FMN1: variants seen among roughly 807,000 people sequenced by gnomAD.
FMN1 encodes the protein formin 1.
In FMN1, 110 loss-of-function variants were observed where a neutral mutation model predicts 132.4. That is an observed-to-expected ratio of 0.83 (90% CI 0.71 to 0.97). The LOEUF (loss-of-function observed/expected upper bound fraction) is 0.97, where lower values mean the gene tolerates loss of function less well. FMN1 is among the 50% of genes least tolerant of loss of function. The pLI is 0.00. For synonymous variants in FMN1, 722 were observed against 651.7 expected, an observed-to-expected ratio of 1.11 and a Z score of -1.64; for missense variants, 1,792 against 1,705.3, an observed-to-expected ratio of 1.05 and a Z score of -0.90.
At chr15:32,960,223 C>T (rs1333567011) in intron 9 of FMN1, among the ~76,000 whole-genome samples, 2 of 152,166 alleles carry the variant, frequency 1.3e-5, no homozygotes, top group African/African-American at 4.8e-5. Context: ...ATACTACCAA[C>T]ATGGCAGCAG....
At chr15:33,060,886 C>T (rs1416294641) in intron 6 of FMN1, among the ~76,000 whole-genome samples, 1 of 152,206 alleles carries the variant, frequency 6.6e-6, no homozygotes, top group Non-Finnish European at 1.5e-5. Flanking sequence ...AAAACATTAA[C>T]CTCACTTCCC....
At chr15:33,049,050 A>G (rs1197363872) in intron 6 of FMN1, among the ~76,000 whole-genome samples, 3 of 152,262 alleles carry the variant, frequency 2.0e-5, no homozygotes, top group South Asian at 2.1e-4. Flanking sequence ...AGATAAAGCT[A>G]AAGGTTTCAA....
Position 32,910,540 on chromosome 15 carries a change from C to G in FMN1, c.3227-5G>C, listed in dbSNP as rs1336607985. 5 of 1,563,536 alleles carry G rather than the reference C, an allele frequency of 3.2e-6. No homozygotes were observed. The Admixed American group carries it at 9.5e-5, about 30-fold the overall frequency. On this transcript the variant is annotated splice_polypyrimidine_tract_variant and splice_region_variant and intron_variant, in intron 10 of 20. Coordinates refer to ENST00000616417, the MANE Select transcript of FMN1 (RefSeq NM_001277313.2). ...AGTCATCCACATTGAAAATGGCTGC[C>G]AAGCACCCAAAAAGAAAAGAGGATA...
intron 7 of FMN1, among the ~76,000 whole-genome samples, chr15:32,998,105 T>C (rs1296242514): frequency 6.6e-6 from 1 of 152,224 alleles, no homozygotes; most frequent in Non-Finnish European, 1.5e-5. Context: ...AACTAGAGCA[T>C]CCATGCTTTA....
chr15:32,897,780 A>G (rs1423692274), intron 15 of FMN1, among the ~76,000 whole-genome samples: 3 of 151,072 alleles, frequency 2.0e-5, no homozygotes, highest in Non-Finnish European at 4.4e-5. Context: ...AGCAAGTGAA[A>G]TTCTCCAAGT....
intron 16 of FMN1, among the ~76,000 whole-genome samples, chr15:32,872,574 A>C (rs79854309): frequency 0.037 from 5,694 of 152,302 alleles, 301 homozygotes; most frequent in African/African-American, 0.12. Context: ...TCACACATAC[A>C]CGTCTTGAAG....
intron 6 of FMN1, among the ~76,000 whole-genome samples, chr15:33,052,277 A>G (rs1196232106): frequency 2.6e-5 from 4 of 152,314 alleles, no homozygotes; most frequent in African/African-American, 9.6e-5. Context: ...ATATTTTATT[A>G]AAATTATCAT....
intron 17 of FMN1, among the ~76,000 whole-genome samples, chr15:32,809,449 C>A (rs2057797213): frequency 6.6e-6 from 1 of 152,122 alleles, no homozygotes. Flanking sequence ...AGTGCATTTG[C>A]AGTTCACAGT....
chr15:33,056,949 G>A (rs1022203691), intron 6 of FMN1, among the ~76,000 whole-genome samples: 3 of 152,200 alleles, frequency 2.0e-5, no homozygotes, highest in Non-Finnish European at 4.4e-5. Context: ...GGCTGAGGCA[G>A]GCGATCACTG....
In FMN1 at chr15:32,767,020, C is replaced by G. The variant is rs2056071763; in HGVS notation, c.*7290G>C. The G allele has an allele frequency of 6.6e-6, 1 of 152,156 alleles. No homozygotes were observed. Among genetic ancestry groups the G allele is most frequent in the Admixed American group, 6.5e-5 (1 of 15,276 alleles). 9.4% of individuals were successfully genotyped at this position (152,156 alleles called of 1,614,324 possible). A position where few individuals can be genotyped will look rare whatever the true frequency, so the allele number is the denominator to read the frequency against. ...AGCACAGACCAGTTTCACTGGGGTA[C>G]CTGCTTTCCCAGTACATTGGCACTG... On this transcript the variant is annotated 3_prime_UTR_variant, in exon 21 of 21. Transcript: ENST00000616417.
At chr15:32,963,497 A>C (rs572651216) in intron 9 of FMN1, among the ~76,000 whole-genome samples, 176 of 152,184 alleles carry the variant, frequency 1.2e-3, no homozygotes, top group Non-Finnish European at 2.1e-3. Context: ...AAGTATAATA[A>C]ATAAATAAGA....
chr15:32,935,848 G>T (rs1001152492), intron 9 of FMN1, among the ~76,000 whole-genome samples: 5 of 151,770 alleles, frequency 3.3e-5, no homozygotes, highest in Admixed American at 6.6e-5. Flanking sequence ...TGCTGGTCTT[G>T]AACTCCTGAC....
intron 16 of FMN1, among the ~76,000 whole-genome samples, chr15:32,879,462 T>C (rs2059712460): frequency 6.6e-6 from 1 of 152,168 alleles, no homozygotes; most frequent in Admixed American, 6.5e-5. Flanking sequence ...AGGTGATAAA[T>C]TAGCCAGACC....
chr15:32,925,184 T>A (rs534436832), intron 10 of FMN1, among the ~76,000 whole-genome samples: 1 of 152,242 alleles, frequency 6.6e-6, no homozygotes, highest in South Asian at 2.1e-4. Flanking sequence ...CGTAACCAAA[T>A]GAAGGAAAGT....
chr15:32,829,318 G>A (rs2058446288), intron 17 of FMN1, among the ~76,000 whole-genome samples: 1 of 152,208 alleles, frequency 6.6e-6, no homozygotes, highest in Non-Finnish European at 1.5e-5. Flanking sequence ...CGAAAGTTCT[G>A]TCAACCTTAC....
At chr15:33,150,106 G>A in intron 4 of FMN1, 2 of 985,426 alleles carry the variant, frequency 2.0e-6, no homozygotes, top group African/African-American at 3.5e-5. Context: ...GATTACTCAA[G>A]AGCATACTAA....
In FMN1 at chr15:32,774,319, G is replaced by T; in HGVS notation, c.4251C>A (p.Thr1417=). Residue 1417 remains threonine, a synonymous_variant, in exon 21 of 21, where the codon ACC becomes ACA. Coordinates refer to ENST00000616417, the MANE Select transcript of FMN1 (RefSeq NM_001277313.2). ...ERLRQKEASV[T]TN is the part of the protein sequence containing the mutation. ...TCCATGTGTCTTCATCTTAGTTAGT[G>T]GTCACACTGGCTTCCTTCTGACGCA... 1 of 1,603,650 alleles carries T rather than the reference G, an allele frequency of 6.2e-7. No individual in the cohort carries two copies. The highest frequency in any genetic ancestry group is 1.7e-5 in the Admixed American group (1 of 58,944).
At position 33,154,964 on chromosome 15, in the gene FMN1, C is replaced by A. The variant is rs566793503; in HGVS notation, c.-50G>T. ...TTGGAGATGCCGGTTTGTGGTCAGG[C>A]TTCCCAGGCTCCAGTGGTGAGGCAT... On this transcript the variant is annotated 5_prime_UTR_variant, in exon 4 of 21. Coordinates refer to ENST00000616417, the MANE Select transcript of FMN1 (RefSeq NM_001277313.2). The A allele has an allele frequency of 8.4e-5, 122 of 1,448,352 alleles. No individual in the cohort carries two copies. Among genetic ancestry groups the A allele is most frequent in the Non-Finnish European group, 1.1e-4 (117 of 1,090,760 alleles). The allele number at this position is 1,448,352 out of a possible 1,614,324, so 89.7% of individuals were successfully genotyped here. A position where few individuals can be genotyped will look rare whatever the true frequency, so the allele number is the denominator to read the frequency against.
At chr15:33,003,105 A>G (rs1204133650) in intron 7 of FMN1, among the ~76,000 whole-genome samples, 11 of 152,196 alleles carry the variant, frequency 7.2e-5, no homozygotes, top group Admixed American at 7.2e-4. Flanking sequence ...TACTGAGTGG[A>G]CAAAAACTGG....
Sources: allele counts gnomAD v4.1 joint callset (sites outside exome capture counted in the v4.1 genomes callset), GRCh38; gene constraint gnomAD v4.1.1; transcripts MANE v1.5; gene names NCBI Gene and HGNC (gene_info 2026-07-23, HGNC 2026-07-21).